Variants in SYN3 observed in about 807,000 individuals in gnomAD.
SYN3 encodes the protein synapsin-3.
SYN3 carries 35 observed loss-of-function variants against 65.8 expected under a neutral mutation model. The observed-to-expected ratio is 0.53, with a 90% confidence interval of 0.41 to 0.70. The LOEUF (loss-of-function observed/expected upper bound fraction) is 0.70, where lower values mean the gene tolerates loss of function less well. SYN3 is among the 30% of genes least tolerant of loss of function. The pLI is 0.00. For missense variants in SYN3, 680 were observed against 749.0 expected (o/e 0.91, Z 1.08); for synonymous variants, 270 against 292.9 (o/e 0.92, Z 0.80).
chr22:32,599,983 C>T (rs1206135043), intron 6 of SYN3, among the ~76,000 whole-genome samples: 1 of 151,430 alleles, frequency 6.6e-6, no homozygotes, highest in African/African-American at 2.4e-5. Context: ...ACATTTTTGG[C>T]ACCAGGGACC....
At chr22:32,910,192 GT>G (rs1369297851) in intron 4 of SYN3, among the ~76,000 whole-genome samples, 12 of 152,120 alleles carry the variant, frequency 7.9e-5, no homozygotes, top group African/African-American at 2.7e-4. Context: ...GCTAGCCCAC[GT>G]GTTTTTAAAC....
At chr22:32,672,181 C>T (rs1410833390) in intron 6 of SYN3, among the ~76,000 whole-genome samples, 2 of 152,072 alleles carry the variant, frequency 1.3e-5, no homozygotes, top group African/African-American at 2.4e-5. Context: ...TCTGTAGATC[C>T]CCAGGGAGCT....
chr22:32,837,657 C>T lies in SYN3; in HGVS notation c.711+27258G>A, dbSNP rs548057580. On this transcript the variant is annotated intron_variant, in intron 6 of 13. Coordinates refer to ENST00000358763, the MANE Select transcript of SYN3 (RefSeq NM_003490.4). The surrounding 1 kb of genome is among the most constrained non-coding windows in gnomAD (Gnocchi z 4.1). ...TGTTTCTAGGGGTTTCTTGGGGCTT[C>T]GGGGGCCTCCTGTCAATGGACTGTT... Among the ~76,000 whole-genome samples the T allele has an allele frequency of 6.6e-4, 100 of 152,182 alleles. 1 individual carries two copies. The highest frequency in any genetic ancestry group is 1.9e-3 in the South Asian group (9 of 4,822).
chr22:32,621,789 A>T (rs185371790), intron 6 of SYN3, among the ~76,000 whole-genome samples: 1 of 152,142 alleles, frequency 6.6e-6, no homozygotes, highest in African/African-American at 2.4e-5. Context: ...AAGTTAGGTA[A>T]TATGGCCATT....
chr22:32,975,014 C>T (rs1261965434), intron 3 of SYN3, among the ~76,000 whole-genome samples: 4 of 152,258 alleles, frequency 2.6e-5, no homozygotes, highest in East Asian at 3.9e-4. Context: ...CATTTCCTCC[C>T]ACACATATTA....
chr22:32,882,446 C>T (rs1182848275), intron 4 of SYN3, among the ~76,000 whole-genome samples: 1 of 152,098 alleles, frequency 6.6e-6, no homozygotes, highest in Non-Finnish European at 1.5e-5. Context: ...ATTTGACAAA[C>T]TCAGTTGTGA....
chr22:32,997,529 C>T (rs1260891676), intron 2 of SYN3, among the ~76,000 whole-genome samples: 72 of 152,120 alleles, frequency 4.7e-4, no homozygotes, highest in Admixed American at 4.6e-3. Flanking sequence ...CATGGTTTCT[C>T]CACGCTCTGC....
intron 1 of SYN3, among the ~76,000 whole-genome samples, chr22:33,045,426 A>T (rs1330124385): frequency 1.5e-5 from 2 of 136,132 alleles, no homozygotes; most frequent in African/African-American, 5.5e-5. Context: ...CTCATATTCC[A>T]CATCTCATTC....
chr22:32,706,139 G>T (rs79981301), intron 6 of SYN3, among the ~76,000 whole-genome samples: 2 of 152,124 alleles, frequency 1.3e-5, no homozygotes, highest in Non-Finnish European at 2.9e-5. Context: ...GTCTTTTGCC[G>T]GTTTTCAAGG....
At chr22:33,041,391 C>T (rs962338982) in intron 1 of SYN3, among the ~76,000 whole-genome samples, 7 of 150,550 alleles carry the variant, frequency 4.6e-5, no homozygotes, top group East Asian at 2.0e-4. Flanking sequence ...CCCAGGTTCA[C>T]GCCATTCTGC....
At chr22:32,628,629 T>G (rs1365067717) in intron 6 of SYN3, among the ~76,000 whole-genome samples, 1 of 151,952 alleles carries the variant, frequency 6.6e-6, no homozygotes, top group Non-Finnish European at 1.5e-5. Context: ...ATGCCTATAA[T>G]CCCAGCTACT....
At chr22:33,002,167 T>C (rs2053077905) in intron 2 of SYN3, among the ~76,000 whole-genome samples, 2 of 152,126 alleles carry the variant, frequency 1.3e-5, no homozygotes, top group Non-Finnish European at 2.9e-5. Flanking sequence ...AGTTTCATGA[T>C]AAATACCCTT....
At chr22:32,981,237 G>A (rs554132604) in intron 2 of SYN3, among the ~76,000 whole-genome samples, 13 of 151,740 alleles carry the variant, frequency 8.6e-5, no homozygotes, top group African/African-American at 2.2e-4. Context: ...GTTCTGTCAC[G>A]TCACTTGACC....
intron 6 of SYN3, among the ~76,000 whole-genome samples, chr22:32,788,023 C>T (rs1044256052): frequency 5.3e-5 from 8 of 152,140 alleles, no homozygotes; most frequent in Admixed American, 1.3e-4. Flanking sequence ...GGCAATGCCA[C>T]GCTGGGTCTA....
intron 6 of SYN3, among the ~76,000 whole-genome samples, chr22:32,722,935 C>T (rs1262936342): frequency 1.3e-5 from 2 of 152,178 alleles, no homozygotes; most frequent in Non-Finnish European, 2.9e-5. Context: ...GTCTTGGTCC[C>T]GAGCTTCTTC....
chr22:32,534,346 A>G (rs1471243448), intron 9 of SYN3, among the ~76,000 whole-genome samples: 1 of 151,538 alleles, frequency 6.6e-6, no homozygotes, highest in African/African-American at 2.4e-5. Flanking sequence ...CAAGGGCTCC[A>G]GAAGTCCCTC....
intron 4 of SYN3, among the ~76,000 whole-genome samples, chr22:32,890,072 CTTTTT>C (rs5845051): frequency 8.6e-5 from 5 of 58,280 alleles, no homozygotes; most frequent in African/African-American, 3.4e-4. Flanking sequence ...GATTTAGCTG[CTTTTT>C]TTTTTTTTTT....
At chr22:32,773,406 C>CAAAAA (rs61583056) in intron 6 of SYN3, among the ~76,000 whole-genome samples, 2 of 91,162 alleles carry the variant, frequency 2.2e-5, no homozygotes, top group Non-Finnish European at 4.3e-5. Flanking sequence ...GACTCTGTCT[C>CAAAAA]AAAAAAAAAA....
chr22:32,703,459 A>G (rs1407002604), intron 6 of SYN3, among the ~76,000 whole-genome samples: 1 of 152,124 alleles, frequency 6.6e-6, no homozygotes, highest in Non-Finnish European at 1.5e-5. Flanking sequence ...CAACACGGTG[A>G]AACCCCGTCT....
Sources: allele counts gnomAD v4.1 joint callset (sites outside exome capture counted in the v4.1 genomes callset), GRCh38; gene constraint gnomAD v4.1.1; non-coding constraint Gnocchi (gnomAD v3.1); transcripts MANE v1.5; gene names NCBI Gene and HGNC (gene_info 2026-07-23, HGNC 2026-07-21).